PUDP: variants seen among roughly 807,000 people sequenced by gnomAD.
PUDP encodes the protein pseudouridine-5'-phosphatase.
In PUDP, 8 loss-of-function variants were observed where a neutral mutation model predicts 9.4. That is an observed-to-expected ratio of 0.85 (90% confidence interval 0.50 to 1.53). The LOEUF (loss-of-function observed/expected upper bound fraction) is 1.53, where lower values mean the gene tolerates loss of function less well. Among genes scored for constraint, PUDP ranks in the 40% most tolerant of loss-of-function variants. The probability of loss-of-function intolerance (pLI) is 0.00; values close to 1 mark genes in which losing one functional copy is unlikely to be tolerated. For synonymous variants in PUDP, 99 were observed against 80.7 expected (o/e 1.23, Z -1.22); for missense variants, 188 against 189.7 (o/e 0.99, Z 0.05).
At chrX:6,750,061 G>T (rs188436381) in intron 3 of PUDP, among the ~76,000 whole-genome samples, 106 of 112,030 alleles carry the variant, frequency 9.5e-4, no homozygotes, top group African/African-American at 3.3e-3. Flanking sequence ...GGGGATGGAT[G>T]GTACACACTC....
intron 3 of PUDP, among the ~76,000 whole-genome samples, chrX:6,772,779 A>AAAACAAAC (rs201095195): frequency 9.4e-6 from 1 of 106,708 alleles, no homozygotes; most frequent in Admixed American, 1.0e-4. Flanking sequence ...GCAGAAAATT[A>AAAACAAAC]AAACAAACAA....
chrX:6,918,916 T>C (rs955205531), intron 3 of PUDP, among the ~76,000 whole-genome samples: 1 of 112,383 alleles, frequency 8.9e-6, no homozygotes, highest in Non-Finnish European at 1.9e-5. Flanking sequence ...AGGATACATT[T>C]ATCATTCAAA....
At chrX:6,811,850 C>A (rs979130453) in intron 3 of PUDP, among the ~76,000 whole-genome samples, 1 of 111,725 alleles carries the variant, frequency 9.0e-6, no homozygotes, top group African/African-American at 3.3e-5. Context: ...CCCAGAGAGT[C>A]CATCTCCATT....
chrX:6,756,810 C>T (rs1479126597), intron 3 of PUDP, among the ~76,000 whole-genome samples: 1 of 111,890 alleles, frequency 8.9e-6, no homozygotes, highest in Non-Finnish European at 1.9e-5. Flanking sequence ...ATTCAGAAGA[C>T]ATGGCAAGAA....
intron 1 of PUDP, among the ~76,000 whole-genome samples, chrX:7,027,349 G>A (rs1391002515): frequency 9.0e-6 from 1 of 110,583 alleles, no homozygotes; most frequent in Non-Finnish European, 1.9e-5. Context: ...GTAAACCTTT[G>A]CTGCAGGACC....
intron 3 of PUDP, among the ~76,000 whole-genome samples, chrX:6,837,759 T>C (rs567400600): frequency 8.9e-6 from 1 of 111,740 alleles, no homozygotes; most frequent in Admixed American, 9.5e-5. Flanking sequence ...GTAGTTCTCA[T>C]TGGAAAATGC....
chrX:6,751,300 C>A lies in PUDP; in HGVS notation c.*248-44834G>T, dbSNP rs142679381. 7.9e-3 allele frequency among the ~76,000 whole-genome samples: 886 copies of A among 111,829 alleles called. 8 individuals carry two copies. Among genetic ancestry groups the A allele is most frequent in the African/African-American group, 0.027 (829 of 30,786 alleles). ...TGAAAGGAAAAGGGAAGATCAGATGCCAATTCTGGTGCCCTTCATCATTGC... is the reference window on the plus strand; with the variant it reads ...TGAAAGGAAAAGGGAAGATCAGATGACAATTCTGGTGCCCTTCATCATTGC... On this transcript the variant is annotated intron_variant and NMD_transcript_variant, in intron 3 of 3. Transcript: ENST00000655425.
At chrX:7,013,231 CAT>C (rs1307472375) in intron 1 of PUDP, among the ~76,000 whole-genome samples, 34 of 111,816 alleles carry the variant, frequency 3.0e-4, no homozygotes, top group Non-Finnish European at 5.8e-4. Flanking sequence ...GAAAAGCACA[CAT>C]GTCATTCAGC....
chrX:6,995,505 C>T (rs1442892541), intron 1 of PUDP, among the ~76,000 whole-genome samples: 1 of 111,238 alleles, frequency 9.0e-6, no homozygotes, highest in Non-Finnish European at 1.9e-5. Context: ...ATGAAGATTG[C>T]TTGAGTCCAG....
intron 1 of PUDP, among the ~76,000 whole-genome samples, chrX:7,025,724 TA>T (rs763825510): frequency 1.8e-5 from 2 of 112,149 alleles, no homozygotes; most frequent in East Asian, 2.8e-4. Flanking sequence ...CTTCCTTATT[TA>T]AAAAAGGTAA....
chrX:6,986,201 T>C (rs1929100785), intron 1 of PUDP, among the ~76,000 whole-genome samples: 1 of 112,246 alleles, frequency 8.9e-6, no homozygotes, highest in Non-Finnish European at 1.9e-5. Context: ...GACCTGTCGA[T>C]GATCAGAGTA....
chrX:7,067,016 C>T (rs778092402), intron 3 of PUDP, among the ~76,000 whole-genome samples: 1 of 112,109 alleles, frequency 8.9e-6, no homozygotes, highest in East Asian at 2.8e-4. Context: ...ATCATATTTT[C>T]TCCACACAAA....
At chrX:6,713,506 A>C (rs1023823085) in intron 1 of PUDP, among the ~76,000 whole-genome samples, 3 of 112,253 alleles carry the variant, frequency 2.7e-5, no homozygotes, top group Non-Finnish European at 3.8e-5. Context: ...AGCATAGGCT[A>C]ATGTATGTGT....
intron 1 of PUDP, among the ~76,000 whole-genome samples, chrX:7,023,007 T>G (rs1261655148): frequency 9.0e-6 from 1 of 111,159 alleles, no homozygotes; most frequent in Non-Finnish European, 1.9e-5. Flanking sequence ...GAGAAAATAG[T>G]GCATGGTGCT....
chrX:6,844,281 T>C (rs916761826), intron 3 of PUDP, among the ~76,000 whole-genome samples: 1 of 113,197 alleles, frequency 8.8e-6, no homozygotes, highest in African/African-American at 3.2e-5. Context: ...ATCTGCAGCC[T>C]TAATTCCTCC....
intron 3 of PUDP, among the ~76,000 whole-genome samples, chrX:6,770,443 C>T (rs758219815): frequency 3.6e-5 from 4 of 112,508 alleles, no homozygotes; most frequent in African/African-American, 1.3e-4. Context: ...CAAAACCATG[C>T]AGGCAGATAG....
intron 3 of PUDP, among the ~76,000 whole-genome samples, chrX:6,963,375 C>A (rs6654832): frequency 9.0e-6 from 1 of 111,377 alleles, no homozygotes; most frequent in African/African-American, 3.3e-5. Context: ...CTGGCTCTGA[C>A]ATGACTGAGC....
intron 2 of PUDP, among the ~76,000 whole-genome samples, chrX:7,090,129 C>T (rs902526707): frequency 3.6e-5 from 4 of 111,400 alleles, no homozygotes; most frequent in Non-Finnish European, 7.5e-5. Flanking sequence ...ACTAAATATT[C>T]TCTACAAGTG....
At chrX:6,902,239 A>G (rs916688531) in intron 3 of PUDP, among the ~76,000 whole-genome samples, 3 of 111,825 alleles carry the variant, frequency 2.7e-5, no homozygotes, top group African/African-American at 9.7e-5. Flanking sequence ...GGTAAATTAC[A>G]TGCTAAAATC....
Sources: gnomAD v4.1 joint callset for allele counts (sites outside exome capture counted in the v4.1 genomes callset) on GRCh38, gnomAD v4.1.1 for gene constraint, MANE v1.5 for transcripts, NCBI Gene and HGNC (gene_info 2026-07-23, HGNC 2026-07-21) for gene names.